The following LENG8 variants were observed in gnomAD, a reference collection of about 807,000 sequenced individuals.
LENG8 encodes the protein leukocyte receptor cluster (LRC) member 8.
LENG8 carries 28 observed loss-of-function variants against 102.1 expected under a neutral mutation model. That is an observed-to-expected ratio of 0.27 (90% CI 0.20 to 0.38). The LOEUF is 0.38. Among genes scored for constraint, LENG8 ranks in the 10% least tolerant of loss-of-function variants. The probability of loss-of-function intolerance (pLI) is 1.00; values close to 1 mark genes in which losing one functional copy is unlikely to be tolerated. For missense variants in LENG8, 1,022 were observed against 1,113.9 expected (o/e 0.92, Z 1.17); for synonymous variants, 531 against 456.7 (o/e 1.16, Z -2.07).
At position 54,452,113 on chromosome 19, in the gene LENG8, T is replaced by C; in HGVS notation, c.59T>C (p.Val20Ala). 2 of 1,613,962 alleles carry C rather than the reference T, an allele frequency of 1.2e-6. No homozygotes were observed. Among genetic ancestry groups the C allele is most frequent in the Non-Finnish European group, 1.7e-6 (2 of 1,179,886 alleles). Residue 20 changes from valine (V) to alanine (A), a missense_variant, in exon 3 of 16, where the codon GTG becomes GCG. Coordinates refer to ENST00000326764, the MANE Select transcript of LENG8 (RefSeq NM_052925.4). ...STDWSSQYSM[V>A]AGAGRENGME... ...TGCAGGTCTTCTCAGTACAGCATGG[T>C]GGCTGGGGCAGGCCGAGAGAATGGC...
intron 15 of LENG8, chr19:54,458,931 TA>T: frequency 2.0e-6 from 3 of 1,522,396 alleles, no homozygotes; most frequent in Non-Finnish European, 2.6e-6. Context: ...GCCTCTGGTC[TA>T]CCAGGACAAG....
rs2084550114 is a variant in LENG8, at chr19:54,461,440, G to A, written c.*512G>A. ...CCCTTGGGGCCTCCGTGTTTGGGGT[G>A]GGGGAGCTGCTTAGAGACTGTGCCC... On this transcript the variant is annotated 3_prime_UTR_variant, in exon 16 of 16. Coordinates refer to ENST00000326764, the MANE Select transcript of LENG8 (RefSeq NM_052925.4). 4.3e-6 allele frequency: 2 copies of A among 460,246 alleles called. No individual in the cohort carries two copies. Among genetic ancestry groups the A allele is most frequent in the South Asian group, 1.6e-5 (1 of 64,444 alleles). 28.5% of individuals were successfully genotyped at this position (460,246 alleles called of 1,614,324 possible).
In LENG8 at chr19:54,458,532, C is replaced by T. The variant is rs748216942; in HGVS notation, c.2240+11C>T. Reference sequence around the variant, plus strand: ...GGCCATGATCAAAACGTATGTGGTGCCAAGCTCCCTTCTGCCTTTGCTCTT... The same window carrying T: ...GGCCATGATCAAAACGTATGTGGTGTCAAGCTCCCTTCTGCCTTTGCTCTT... On this transcript the variant is annotated intron_variant, in intron 15 of 15. Coordinates refer to ENST00000326764, the MANE Select transcript of LENG8 (RefSeq NM_052925.4). 1.2e-6 allele frequency: 2 copies of T among 1,613,952 alleles called. No individual in the cohort carries two copies. Among genetic ancestry groups the T allele is most frequent in the Non-Finnish European group, 1.7e-6 (2 of 1,179,952 alleles).
At chr19:54,451,239 C>T (rs1599953666) in intron 1 of LENG8, 51 bp from the exon 2 acceptor site, 8 of 1,170,668 alleles carry the variant, frequency 6.8e-6, no homozygotes, top group Non-Finnish European at 7.7e-6. Flanking sequence ...CACTTTGTGA[C>T]GTGTTTTTAG....
intron 2 of LENG8, 183 bp from the exon 3 acceptor site, chr19:54,451,906 CATTT>C (rs1346644405): frequency 1.8e-6 from 1 of 550,122 alleles, no homozygotes; most frequent in East Asian, 2.9e-5. Context: ...TAGGTGATCT[CATTT>C]ATCCCTCCCA....
intron 15 of LENG8, 80 bp from the exon 16 acceptor site, chr19:54,460,685 TG>T (rs1298993996): frequency 4.6e-5 from 66 of 1,444,678 alleles, no homozygotes; most frequent in East Asian, 2.6e-4. Flanking sequence ...GGCACCCGAA[TG>T]GGGGGGCCTC....
Position 54,455,858 on chromosome 19 carries a change from G to T in LENG8, c.1026-109G>T, listed in dbSNP as rs1005218354. 11 of 1,223,742 alleles carry T rather than the reference G, an allele frequency of 9.0e-6. No homozygotes were observed. In the African/African-American group the frequency reaches 1.4e-4, roughly 15 times the overall value. The allele number at this position is 1,223,742 out of a possible 1,614,324, so 75.8% of individuals were successfully genotyped here. A position where few individuals can be genotyped will look rare whatever the true frequency, so the allele number is the denominator to read the frequency against. ...CACTGTAGTAGCTGAGCCGCCTGGGGTAAGTGCCTTTCCTTTCGGAGGCGG... is the reference window on the plus strand; with the variant it reads ...CACTGTAGTAGCTGAGCCGCCTGGGTTAAGTGCCTTTCCTTTCGGAGGCGG... On this transcript the variant is annotated intron_variant, in intron 8 of 15. Transcript: ENST00000326764.
chr19:54,456,239 G>C lies in LENG8; in HGVS notation c.1298G>C (p.Arg433Pro). The part of the protein sequence containing the change: ...SSSRSPTRHF[R>P]RSDSHSDSDS... Reference sequence around the variant, plus strand: ...TCCAGGTCCCCGACGCGCCACTTCCGCAGAAGGTACTGAGGCTCCCGGCTG... The same window carrying C: ...TCCAGGTCCCCGACGCGCCACTTCCCCAGAAGGTACTGAGGCTCCCGGCTG... The change falls in exon 9 of 16, where the codon CGC (arginine) becomes CCC (proline). Residue 433 changes from arginine to proline, a missense_variant. Coordinates refer to ENST00000326764, the MANE Select transcript of LENG8 (RefSeq NM_052925.4). 2 of 1,613,718 alleles carry C rather than the reference G, an allele frequency of 1.2e-6. No homozygotes were observed. Among genetic ancestry groups the C allele is most frequent in the Non-Finnish European group, 1.7e-6 (2 of 1,179,792 alleles).
In LENG8 at chr19:54,455,029, A is replaced by G; in HGVS notation, c.758A>G (p.Asn253Ser). The G allele has an allele frequency of 5.0e-6, 8 of 1,614,174 alleles. No homozygotes were observed. The highest frequency in any genetic ancestry group is 6.8e-6 in the Non-Finnish European group (8 of 1,180,036). ...FAVTTQSFGSNAEGQHSGFGP... is the reference protein window; with the variant it reads ...FAVTTQSFGSSAEGQHSGFGP... ...GTTACCACCCAGAGCTTTGGCTCCA[A>G]CGCAGAGGGCCAGCACAGTGGTTTT... Residue 253 changes from asparagine to serine, a missense_variant, in exon 7 of 16, where the codon AAC (asparagine) becomes AGC (serine). This residue lies in a region of LENG8 where 343 missense variants were observed against 320.2 expected (regional missense o/e 1.07). Transcript: ENST00000326764.
At chr19:54,449,569 C>G (rs192436652) in intron 1 of LENG8, 3 of 152,118 alleles carry the variant, frequency 2.0e-5, no homozygotes, top group Non-Finnish European at 4.4e-5. Context: ...CGGGGCGCCC[C>G]TCACTCGCCG....
chr19:54,458,955 T>C, intron 15 of LENG8: 1 of 1,488,582 alleles, frequency 6.7e-7, no homozygotes, highest in Non-Finnish European at 8.9e-7. Context: ...CCAGTCCCAC[T>C]CAGCTCCTTT....
rs1218148277 is a variant in LENG8 at position 54,454,689 on chromosome 19, T to A, written c.679+7T>A. 6.3e-7 allele frequency: 1 copy of A among 1,585,888 alleles called. No individual in the cohort carries two copies. On this transcript the variant is annotated splice_region_variant and intron_variant, in intron 6 of 15. Coordinates refer to ENST00000326764, the MANE Select transcript of LENG8 (RefSeq NM_052925.4). ...CTGTGGAACCGCATGAAACGTAAGT[T>A]GGCAGAGCTACGTGGAGGTCCGAGC...
intron 5 of LENG8, 50 bp from the exon 6 acceptor site, chr19:54,454,380 G>GC: frequency 2.0e-6 from 3 of 1,535,858 alleles, no homozygotes; most frequent in Non-Finnish European, 2.6e-6. Context: ...AGTGCCACTC[G>GC]CCAGCCCCAG....
At position 54,453,528 on chromosome 19, in the gene LENG8, CT is replaced by C. The variant is rs1371788890; in HGVS notation, c.316-17del. The C allele has an allele frequency of 6.3e-7, 1 of 1,584,988 alleles. No homozygotes were observed. The highest frequency in any genetic ancestry group is 8.7e-7 in the Non-Finnish European group (1 of 1,153,742). ...GGGTAGGCCTCCCACTAAACCCTCC[CT>C]CCCTGCGCCTTTGCAGAGCATGTAC... On this transcript the variant is annotated splice_polypyrimidine_tract_variant and intron_variant, in intron 4 of 15. Transcript: ENST00000326764.
chr19:54,452,587 C>A (rs903426073), intron 3 of LENG8, 64 bp from the exon 4 acceptor site: 6 of 1,336,668 alleles, frequency 4.5e-6, no homozygotes, highest in African/African-American at 1.4e-5. Context: ...ACAGGCTTGC[C>A]CTTTGGGGGC....
At chr19:54,450,889 G>A (rs1439894463) in intron 1 of LENG8, among the ~76,000 whole-genome samples, 1 of 152,112 alleles carries the variant, frequency 6.6e-6, no homozygotes, top group Non-Finnish European at 1.5e-5. Context: ...CAAAGTGCTG[G>A]GATTACAGGC....
chr19:54,460,720 CCCT>C, intron 15 of LENG8, 43 bp from the exon 16 acceptor site: 1 of 535,936 alleles, frequency 1.9e-6, no homozygotes, highest in Non-Finnish European at 2.7e-6. Context: ...CCCTCCCCTG[CCCT>C]CCCGCCCGCC....
At chr19:54,450,555 A>C in intron 1 of LENG8, among the ~76,000 whole-genome samples, 2 of 143,228 alleles carry the variant, frequency 1.4e-5, no homozygotes, top group East Asian at 2.1e-4. Flanking sequence ...GTTCCCTCAG[A>C]CTCTTCTCAT....
At chr19:54,454,409 A>G (rs1291946903) in intron 5 of LENG8, 21 bp from the exon 6 acceptor site, 2 of 1,580,094 alleles carry the variant, frequency 1.3e-6, no homozygotes, top group East Asian at 2.2e-5. Flanking sequence ...TCCCGTGCTC[A>G]GCGCCTGCTT....
Sources: gnomAD v4.1 joint callset for allele counts (sites outside exome capture counted in the v4.1 genomes callset) on GRCh38, gnomAD v4.1.1 for gene constraint, gnomAD v4.1.1 regional missense constraint, MANE v1.5 for transcripts, NCBI Gene and HGNC (gene_info 2026-07-23, HGNC 2026-07-21) for gene names.